AP1S1: variants seen among roughly 807,000 people sequenced by gnomAD.
AP1S1 encodes the protein AP-1 complex subunit sigma-1A.
AP1S1 carries 13 observed loss-of-function variants against 23.9 expected under a neutral mutation model. That is an observed-to-expected ratio of 0.54 (90% CI 0.35 to 0.86). The LOEUF (loss-of-function observed/expected upper bound fraction) is 0.86. AP1S1 is among the 40% of genes least tolerant of loss of function. AP1S1 has a pLI of 0.01. For missense variants in AP1S1, 119 were observed against 197.6 expected, an observed-to-expected ratio of 0.60 and a Z score of 2.38; for synonymous variants, 84 against 77.7, an observed-to-expected ratio of 1.08 and a Z score of -0.43.
At chr7:101,158,201 A>T (rs1797024486) in intron 3 of AP1S1, among the ~76,000 whole-genome samples, 1 of 152,206 alleles carries the variant, frequency 6.6e-6, no homozygotes, top group Non-Finnish European at 1.5e-5. Flanking sequence ...TTCTGAATTA[A>T]CTTATCTGAG....
intron 1 of AP1S1, chr7:101,154,789 C>A: frequency 1.3e-6 from 1 of 771,414 alleles, no homozygotes; most frequent in Non-Finnish European, 1.9e-6. Context: ...GCGCTCTGGT[C>A]TTGGCCCCTG....
Position 101,160,570 on chromosome 7 carries a change from C to T in AP1S1, c.*4C>T, listed in dbSNP as rs891341294. ...GGAGGAGATGGGTTTGGCATAGCCC[C>T]TGCTGGGCCGGGGTGTGGCGATGGG... On this transcript the variant is annotated 3_prime_UTR_variant, in exon 5 of 5. Coordinates refer to ENST00000337619, the MANE Select transcript of AP1S1 (RefSeq NM_001283.5). The T allele has an allele frequency of 1.2e-6, 2 of 1,611,346 alleles. No individual in the cohort carries two copies. The highest frequency in any genetic ancestry group is 1.7e-6 in the Non-Finnish European group (2 of 1,179,862).
intron 4 of AP1S1, among the ~76,000 whole-genome samples, chr7:101,159,895 C>T (rs1251313903): frequency 6.6e-6 from 1 of 151,586 alleles, no homozygotes; most frequent in Non-Finnish European, 1.5e-5. Context: ...GAGGGCTCAT[C>T]TTTGCAGTGG....
rs1796956810 is a variant in AP1S1, at chr7:101,154,482, C to G, written c.-33C>G. ...GAGTGGGACTGGCGCCTACGGTGGC[C>G]GAAGTGGGACGCGCCGAGCCGGAGG... is the stretch of plus-strand genomic sequence containing the variant. On this transcript the variant is annotated 5_prime_UTR_variant, in exon 1 of 5. Coordinates refer to ENST00000337619, the MANE Select transcript of AP1S1 (RefSeq NM_001283.5). 1 of 1,568,780 alleles carries G rather than the reference C, an allele frequency of 6.4e-7. No homozygotes were observed. The highest frequency in any genetic ancestry group is 8.6e-7 in the Non-Finnish European group (1 of 1,158,142).
chr7:101,160,487 T>C, intron 4 of AP1S1, 32 bp from the exon 5 acceptor site: 1 of 1,608,702 alleles, frequency 6.2e-7, no homozygotes, highest in Non-Finnish European at 8.5e-7. Context: ...TCCTGGTGTC[T>C]CTGCGTCACC....
At chr7:101,159,984 G>GCACACACACA (rs1352652553) in intron 4 of AP1S1, among the ~76,000 whole-genome samples, 1 of 140,580 alleles carries the variant, frequency 7.1e-6, no homozygotes, top group Non-Finnish European at 1.6e-5. Flanking sequence ...ACACCCTGGC[G>GCACACACACA]CGCACACACA....
chr7:101,156,773 GTGAC>G lies in AP1S1; in HGVS notation c.182+3_182+6del. Reference sequence around the variant, plus strand: ...GGGACCTCAAAGTTGTCTATAAGAGGTGACTCCCCACCTACTTTCAGACCTGCCT... The same window carrying G: ...GGGACCTCAAAGTTGTCTATAAGAGGTCCCCACCTACTTTCAGACCTGCCT... On this transcript the variant is annotated splice_donor_variant and splice_donor_5th_base_variant and intron_variant, in intron 2 of 4. Coordinates refer to ENST00000337619, the MANE Select transcript of AP1S1 (RefSeq NM_001283.5). LOFTEE classifies it high-confidence loss of function. 6.5e-7 allele frequency: 1 copy of G among 1,550,046 alleles called. No homozygotes were observed. Among genetic ancestry groups the G allele is most frequent in the Non-Finnish European group, 8.8e-7 (1 of 1,141,372 alleles).
rs968081515 is a variant in AP1S1, at chr7:101,154,575, G to C, written c.3+58G>C. ...GCGAGGGGCGTGGGCTGCACCTGCG[G>C]GGGTCCTCGGGGGCCGCCCTCGGGG... On this transcript the variant is annotated intron_variant, in intron 1 of 4. Transcript: ENST00000337619. The C allele has an allele frequency of 1.9e-6, 3 of 1,542,094 alleles. No homozygotes were observed. The East Asian group carries it at 7.4e-5, about 38-fold the overall frequency.
intron 1 of AP1S1, among the ~76,000 whole-genome samples, chr7:101,155,894 A>G (rs1796984541): frequency 6.6e-6 from 1 of 152,164 alleles, no homozygotes; most frequent in Non-Finnish European, 1.5e-5. Flanking sequence ...ACCTTTAGAA[A>G]GCAGACCAGA....
At chr7:101,159,305 C>G in intron 4 of AP1S1, 109 bp downstream of exon 4, 4 of 1,477,926 alleles carry the variant, frequency 2.7e-6, no homozygotes, top group Admixed American at 2.3e-5. Flanking sequence ...AGGAGCCCCC[C>G]CTCCCTGTGG....
At chr7:101,158,113 G>C (rs1202260200) in intron 3 of AP1S1, among the ~76,000 whole-genome samples, 1 of 152,092 alleles carries the variant, frequency 6.6e-6, no homozygotes, top group Non-Finnish European at 1.5e-5. Context: ...TTTATCACTG[G>C]TTGCTGATCT....
At chr7:101,159,325 C>G (rs1035236073) in intron 4 of AP1S1, 129 bp downstream of exon 4, 8 of 1,329,096 alleles carry the variant, frequency 6.0e-6, no homozygotes, top group Non-Finnish European at 2.0e-6. Context: ...GTATCTGACC[C>G]CCACCACGCC....
At chr7:101,156,907 C>T in intron 2 of AP1S1, 135 bp downstream of exon 2, 3 of 623,564 alleles carry the variant, frequency 4.8e-6, no homozygotes, top group East Asian at 3.4e-5. Context: ...TGAATGTCAG[C>T]TTCCTTTTTT....
rs778330778 is a variant in AP1S1 at position 101,159,243 on chromosome 7, G to A, written c.429+47G>A. 2.0e-5 allele frequency: 31 copies of A among 1,567,824 alleles called. No individual in the cohort carries two copies. The African/African-American group carries it at 3.7e-4, about 18-fold the overall frequency. On this transcript the variant is annotated intron_variant, in intron 4 of 4. Transcript: ENST00000337619. ...GAGGAGGAGGAAGCGCACAGTGGCG[G>A]ACAGGGTCCTCCCTCCCCTGGACAC...
chr7:101,160,231 A>G (rs1797073951), intron 4 of AP1S1, among the ~76,000 whole-genome samples: 1 of 151,622 alleles, frequency 6.6e-6, no homozygotes, highest in Non-Finnish European at 1.5e-5. Context: ...CCAGGTGTCA[A>G]GGCGGGGCCC....
chr7:101,160,577 G>GC lies in AP1S1; in HGVS notation c.*13dup, dbSNP rs778160573. ...ATGGGTTTGGCATAGCCCCTGCTGG[G>GC]CCGGGGTGTGGCGATGGGGTCCTGG... On this transcript the variant is annotated 3_prime_UTR_variant, in exon 5 of 5. Transcript: ENST00000337619. 6.8e-6 allele frequency: 11 copies of GC among 1,610,734 alleles called. No individual in the cohort carries two copies. The highest frequency in any genetic ancestry group is 9.3e-6 in the Non-Finnish European group (11 of 1,179,832).
intron 3 of AP1S1, among the ~76,000 whole-genome samples, chr7:101,158,237 G>C (rs184770805): frequency 6.6e-6 from 1 of 152,166 alleles, no homozygotes; most frequent in Admixed American, 6.5e-5. Context: ...TAGATGGGGC[G>C]TAGTAGTAAC....
intron 4 of AP1S1, 75 bp from the exon 5 acceptor site, chr7:101,160,444 C>T (rs928546320): frequency 3.2e-5 from 49 of 1,544,540 alleles, no homozygotes; most frequent in African/African-American, 2.0e-4. Flanking sequence ...GACTCTTCCT[C>T]GTGACTGCTG....
chr7:101,157,536 A>C (rs1797012404), intron 3 of AP1S1, 51 bp downstream of exon 3: 9 of 1,443,506 alleles, frequency 6.2e-6, no homozygotes, highest in Non-Finnish European at 8.6e-6. Context: ...CCCTTTGGTA[A>C]TCCACCAAAC....
Sources: allele counts gnomAD v4.1 joint callset (sites outside exome capture counted in the v4.1 genomes callset), GRCh38; gene constraint gnomAD v4.1.1; transcripts MANE v1.5; gene names NCBI Gene and HGNC (gene_info 2026-07-23, HGNC 2026-07-21).